The following ANTXR1 variants were observed in gnomAD, a reference collection of about 807,000 sequenced individuals.
ANTXR1 encodes ANTXR cell adhesion molecule 1, also known as anthrax toxin receptor 1.
ANTXR1 carries 19 observed loss-of-function variants against 78.1 expected under a neutral mutation model. The ratio of observed to expected loss-of-function variants is 0.24; its 90% confidence interval spans 0.17 to 0.36. The LOEUF (loss-of-function observed/expected upper bound fraction) is 0.36. ANTXR1 is among the 10% of genes least tolerant of loss of function. The pLI is 1.00. For synonymous variants in ANTXR1, 273 were observed against 260.5 expected, an observed-to-expected ratio of 1.05 and a Z score of -0.46; for missense variants, 518 against 718.6, an observed-to-expected ratio of 0.72 and a Z score of 3.19.
intron 14 of ANTXR1, among the ~76,000 whole-genome samples, chr2:69,174,985 G>T (rs1387764201): frequency 6.6e-6 from 1 of 152,158 alleles, no homozygotes; most frequent in Non-Finnish European, 1.5e-5. Flanking sequence ...ATTCAAACTT[G>T]TACCTGAAAA....
At chr2:69,047,277 A>G (rs529965244) in intron 3 of ANTXR1, among the ~76,000 whole-genome samples, 13 of 152,342 alleles carry the variant, frequency 8.5e-5, no homozygotes, top group South Asian at 6.2e-4. Flanking sequence ...AAGATGAAAA[A>G]ATAGAATGGA....
At chr2:69,047,094 T>C (rs1448152385) in intron 3 of ANTXR1, among the ~76,000 whole-genome samples, 1 of 152,128 alleles carries the variant, frequency 6.6e-6, no homozygotes, top group Non-Finnish European at 1.5e-5. Flanking sequence ...AAAATCCACA[T>C]ATATGGAGGG....
intron 10 of ANTXR1, among the ~76,000 whole-genome samples, chr2:69,113,125 CTGCATTTGTTTT>C (rs1375002486): frequency 6.6e-6 from 1 of 152,204 alleles, no homozygotes; most frequent in Non-Finnish European, 1.5e-5. Flanking sequence ...CAGGCATGTG[CTGCATTTGTTTT>C]ATGCATGTCT....
At chr2:69,202,186 G>A (rs1297435132) in intron 17 of ANTXR1, among the ~76,000 whole-genome samples, 2 of 152,148 alleles carry the variant, frequency 1.3e-5, no homozygotes, top group Non-Finnish European at 2.9e-5. Flanking sequence ...AGTCAGGGTG[G>A]AGAAAAGAAA....
At chr2:69,075,805 C>T (rs1291330505) in intron 7 of ANTXR1, 147 bp downstream of exon 7, 3 of 813,712 alleles carry the variant, frequency 3.7e-6, no homozygotes, top group Non-Finnish European at 2.1e-6. Flanking sequence ...GAAGGAATTA[C>T]TGGTTGTGTA....
At chr2:69,050,291 G>C (rs1232691356) in intron 3 of ANTXR1, among the ~76,000 whole-genome samples, 5 of 151,168 alleles carry the variant, frequency 3.3e-5, no homozygotes, top group Non-Finnish European at 7.4e-5. Context: ...AGAGTGTGCT[G>C]TATCAAAAAT....
At chr2:69,063,951 A>G (rs142906889) in intron 3 of ANTXR1, among the ~76,000 whole-genome samples, 64 of 152,100 alleles carry the variant, frequency 4.2e-4, no homozygotes, top group African/African-American at 1.4e-3. Context: ...TACTAGATGA[A>G]ATACCAAAAA....
chr2:69,212,551 T>G (rs1407853303), intron 17 of ANTXR1, among the ~76,000 whole-genome samples: 1 of 152,206 alleles, frequency 6.6e-6, no homozygotes, highest in African/African-American at 2.4e-5. Context: ...CTATGCTTTA[T>G]GATAAAATAG....
chr2:69,215,789 G>A (rs1675159870), intron 17 of ANTXR1, among the ~76,000 whole-genome samples: 2 of 152,190 alleles, frequency 1.3e-5, no homozygotes, highest in South Asian at 4.1e-4. Context: ...AAGATTAATG[G>A]AGGCTCTACT....
At chr2:69,216,460 T>A (rs564772463) in intron 17 of ANTXR1, among the ~76,000 whole-genome samples, 1 of 152,108 alleles carries the variant, frequency 6.6e-6, no homozygotes, top group African/African-American at 2.4e-5. Flanking sequence ...TATACACACA[T>A]ATATACATGC....
rs1437240071 is a variant in ANTXR1 at position 69,247,082 on chromosome 2, T to G, written c.*1597T>G. Reference sequence around the variant, plus strand: ...GCATTTATTTTATCAATACCAATTTTTGTGGCCATGGCAGACATTGCTAAT... The same window carrying G: ...GCATTTATTTTATCAATACCAATTTGTGTGGCCATGGCAGACATTGCTAAT... On this transcript the variant is annotated 3_prime_UTR_variant, in exon 18 of 18. Coordinates refer to ENST00000303714, the MANE Select transcript of ANTXR1 (RefSeq NM_032208.3). The G allele has an allele frequency of 1.3e-5, 2 of 152,512 alleles. No individual in the cohort carries two copies. The highest frequency in any genetic ancestry group is 2.9e-5 in the Non-Finnish European group (2 of 68,056). 9.4% of individuals were successfully genotyped at this position (152,512 alleles called of 1,614,324 possible). A position where few individuals can be genotyped will look rare whatever the true frequency, so the allele number is the denominator to read the frequency against.
intron 17 of ANTXR1, among the ~76,000 whole-genome samples, chr2:69,244,112 G>T (rs1558670952): frequency 6.6e-6 from 1 of 152,174 alleles, no homozygotes; most frequent in Non-Finnish European, 1.5e-5. Flanking sequence ...GAGACTAGTG[G>T]GTATCTACTG....
intron 3 of ANTXR1, among the ~76,000 whole-genome samples, chr2:69,048,678 A>G (rs956746080): frequency 6.6e-6 from 1 of 152,108 alleles, no homozygotes; most frequent in Non-Finnish European, 1.5e-5. Context: ...TGGATTTTCT[A>G]TTCTGTTCTG....
At chr2:69,075,246 A>G (rs192622683) in intron 6 of ANTXR1, among the ~76,000 whole-genome samples, 68 of 152,330 alleles carry the variant, frequency 4.5e-4, no homozygotes, top group Admixed American at 6.5e-4. Context: ...CCCCATTACA[A>G]AGAAACGTAT....
chr2:69,117,168 T>C (rs948871293), intron 10 of ANTXR1, among the ~76,000 whole-genome samples: 4 of 152,230 alleles, frequency 2.6e-5, no homozygotes, highest in African/African-American at 9.6e-5. Context: ...GCCTTGCCCA[T>C]TGAAGATCTT....
At chr2:69,059,374 T>A (rs1394310810) in intron 3 of ANTXR1, among the ~76,000 whole-genome samples, 2 of 152,180 alleles carry the variant, frequency 1.3e-5, no homozygotes, top group African/African-American at 4.8e-5. Flanking sequence ...TCAGCAGCCG[T>A]CAGTATCGAG....
chr2:69,188,878 G>T (rs1341747090), intron 16 of ANTXR1, among the ~76,000 whole-genome samples: 1 of 152,148 alleles, frequency 6.6e-6, no homozygotes, highest in Non-Finnish European at 1.5e-5. Flanking sequence ...AGCCCCAAAG[G>T]GTTGTTATTA....
chr2:69,179,589 G>A (rs565881360), intron 14 of ANTXR1, among the ~76,000 whole-genome samples: 1 of 151,796 alleles, frequency 6.6e-6, no homozygotes, highest in South Asian at 2.1e-4. Flanking sequence ...GCGTGTATTT[G>A]TTGCCATCAA....
chr2:69,086,274 T>C (rs1671046244), intron 8 of ANTXR1, among the ~76,000 whole-genome samples: 1 of 152,250 alleles, frequency 6.6e-6, no homozygotes, highest in East Asian at 1.9e-4. Flanking sequence ...TTGAGAAATC[T>C]CTGCATAAAC....
Sources: allele counts gnomAD v4.1 joint callset (sites outside exome capture counted in the v4.1 genomes callset), GRCh38; gene constraint gnomAD v4.1.1; transcripts MANE v1.5; gene names NCBI Gene and HGNC (gene_info 2026-07-23, HGNC 2026-07-21).